The following RAP1GAP2 variants were observed in gnomAD, a reference collection of about 807,000 sequenced individuals.
The protein encoded by RAP1GAP2 is rap1 GTPase-activating protein 2.
In RAP1GAP2, 27 loss-of-function variants were observed where a neutral mutation model predicts 95.0. The observed-to-expected ratio is 0.28, with a 90% CI of 0.21 to 0.39. The LOEUF is 0.39. RAP1GAP2 is among the 10% of genes least tolerant of loss of function. The pLI is 1.00. For synonymous variants in RAP1GAP2, 373 were observed against 380.9 expected (o/e 0.98, Z 0.24); for missense variants, 771 against 970.0 (o/e 0.79, Z 2.72).
At chr17:2,869,742 G>A (rs73979708) in intron 2 of RAP1GAP2, among the ~76,000 whole-genome samples, 3,010 of 152,318 alleles carry the variant, frequency 0.02, 120 homozygotes, top group African/African-American at 0.069. Flanking sequence ...TGCGGGCAGC[G>A]CTGGGCCACC....
chr17:2,807,540 A>G (rs975076592), intron 2 of RAP1GAP2, among the ~76,000 whole-genome samples: 1 of 152,146 alleles, frequency 6.6e-6, no homozygotes, highest in Non-Finnish European at 1.5e-5. Context: ...CGATGCCCAC[A>G]GAAAGGATGG....
chr17:2,821,621 G>A (rs1054038983), intron 2 of RAP1GAP2, among the ~76,000 whole-genome samples: 33 of 151,704 alleles, frequency 2.2e-4, no homozygotes, highest in African/African-American at 7.5e-4. Context: ...CAATCCATCC[G>A]CCTTGGCCTC....
intron 2 of RAP1GAP2, among the ~76,000 whole-genome samples, chr17:2,828,941 C>G (rs1320579954): frequency 6.7e-6 from 1 of 149,336 alleles, no homozygotes; most frequent in Non-Finnish European, 1.5e-5. Context: ...TCTCTCATTG[C>G]TCCCTGGGGG....
intron 2 of RAP1GAP2, among the ~76,000 whole-genome samples, chr17:2,875,315 C>T (rs1283615456): frequency 6.6e-6 from 1 of 152,152 alleles, no homozygotes; most frequent in Non-Finnish European, 1.5e-5. Context: ...GGTCTGCCTG[C>T]CTCGGCCTCC....
chr17:2,810,020 T>A (rs114855239), intron 2 of RAP1GAP2, among the ~76,000 whole-genome samples: 7 of 48,220 alleles, frequency 1.5e-4, no homozygotes, highest in South Asian at 5.6e-4. Flanking sequence ...GCTGGGACCC[T>A]CCCCTCCCCC....
intron 2 of RAP1GAP2, among the ~76,000 whole-genome samples, chr17:2,771,488 TTTTTTTTTTTG>T (rs2068394351): frequency 6.9e-6 from 1 of 145,502 alleles, no homozygotes; most frequent in Non-Finnish European, 1.5e-5. Flanking sequence ...ACTTTTTTGT[TTTTTTTTTTTG>T]TTTTTTTTTT....
intron 3 of RAP1GAP2, among the ~76,000 whole-genome samples, chr17:2,955,486 T>C (rs1258277253): frequency 6.6e-6 from 1 of 152,248 alleles, no homozygotes; most frequent in Non-Finnish European, 1.5e-5. Context: ...TTTTTCTGAC[T>C]GAGTTGTAAG....
intron 22 of RAP1GAP2, among the ~76,000 whole-genome samples, chr17:3,028,236 G>C (rs142153549): frequency 1.3e-5 from 2 of 152,148 alleles, no homozygotes; most frequent in African/African-American, 4.8e-5. Context: ...TAACCTCGGT[G>C]TTGGTTAAAG....
At chr17:2,777,565 G>A (rs79824121) in intron 1 of RAP1GAP2, among the ~76,000 whole-genome samples, 22,229 of 152,154 alleles carry the variant, frequency 0.15, 1,811 homozygotes, top group South Asian at 0.36. Flanking sequence ...GAGACCTCAG[G>A]GGTCCGTGTA....
At chr17:2,926,425 A>T (rs1330951202) in intron 3 of RAP1GAP2, among the ~76,000 whole-genome samples, 3 of 152,204 alleles carry the variant, frequency 2.0e-5, no homozygotes, top group Non-Finnish European at 4.4e-5. Context: ...GCTTCAAGGC[A>T]GTTACAACAA....
chr17:2,961,720 G>A (rs2044335626), intron 4 of RAP1GAP2, among the ~76,000 whole-genome samples: 1 of 152,074 alleles, frequency 6.6e-6, no homozygotes, highest in Admixed American at 6.6e-5. Context: ...AAGAAGCTAC[G>A]CTTTGTCAAG....
intron 1 of RAP1GAP2, among the ~76,000 whole-genome samples, chr17:2,765,304 C>T (rs973629187): frequency 6.6e-6 from 1 of 152,168 alleles, no homozygotes; most frequent in Non-Finnish European, 1.5e-5. Flanking sequence ...AACACCACTT[C>T]CTTAGCACAT....
chr17:2,931,628 C>G (rs1271713622), intron 3 of RAP1GAP2, among the ~76,000 whole-genome samples: 1 of 152,184 alleles, frequency 6.6e-6, no homozygotes, highest in Non-Finnish European at 1.5e-5. Context: ...TGCGGTTGTT[C>G]ATGTATAATT....
chr17:3,013,028 C>T (rs2046615417), intron 17 of RAP1GAP2, among the ~76,000 whole-genome samples: 1 of 152,164 alleles, frequency 6.6e-6, no homozygotes, highest in Non-Finnish European at 1.5e-5. Context: ...GAGCAGAGGA[C>T]CGGGGAGGAG....
At chr17:2,849,086 C>T (rs185042957) in intron 2 of RAP1GAP2, among the ~76,000 whole-genome samples, 1 of 152,306 alleles carries the variant, frequency 6.6e-6, no homozygotes, top group East Asian at 1.9e-4. Context: ...TGTGTACCCT[C>T]AAAGGCAGAA....
chr17:2,984,103 C>T (rs886848965), intron 10 of RAP1GAP2, among the ~76,000 whole-genome samples: 5 of 152,206 alleles, frequency 3.3e-5, no homozygotes, highest in African/African-American at 2.4e-5. Flanking sequence ...GTAACCTCAG[C>T]GCTTTGGGAG....
chr17:2,819,795 CTTT>C (rs539808008), intron 2 of RAP1GAP2, among the ~76,000 whole-genome samples: 14 of 138,148 alleles, frequency 1.0e-4, no homozygotes, highest in Admixed American at 1.5e-4. Flanking sequence ...TCTCTTTCTC[CTTT>C]TTTTTTTTTT....
chr17:2,868,379 G>A (rs1467264612), intron 2 of RAP1GAP2, among the ~76,000 whole-genome samples: 2 of 152,186 alleles, frequency 1.3e-5, no homozygotes, highest in Non-Finnish European at 2.9e-5. Flanking sequence ...AACCCAGGGG[G>A]ATATATGATC....
intron 2 of RAP1GAP2, among the ~76,000 whole-genome samples, chr17:2,844,908 G>C (rs2151579053): frequency 6.6e-6 from 1 of 152,240 alleles, no homozygotes; most frequent in East Asian, 1.9e-4. Context: ...CGGGTAAAAG[G>C]GTCCCCAACC....
Sources: allele counts gnomAD v4.1 joint callset (sites outside exome capture counted in the v4.1 genomes callset), GRCh38; gene constraint gnomAD v4.1.1; transcripts MANE v1.5; gene names NCBI Gene and HGNC (gene_info 2026-07-23, HGNC 2026-07-21).